DCDC1: variants seen among roughly 807,000 people sequenced by gnomAD.
The protein encoded by DCDC1 is doublecortin domain containing 1, also known as doublecortin domain-containing protein 1.
Under a neutral mutation model 178.3 loss-of-function variants are expected in DCDC1, and 200 were observed. The observed-to-expected ratio is 1.12, with a 90% CI of 1.00 to 1.26. The LOEUF (loss-of-function observed/expected upper bound fraction) is 1.26. DCDC1 is among the 50% of genes most tolerant of loss of function. The probability of loss-of-function intolerance (pLI) is 0.00; values close to 1 mark genes in which losing one functional copy is unlikely to be tolerated. For synonymous variants in DCDC1, 690 were observed against 604.8 expected, an observed-to-expected ratio of 1.14 and a Z score of -2.07; for missense variants, 1,983 against 1,749.2, an observed-to-expected ratio of 1.13 and a Z score of -2.38.
At chr11:31,001,214 CATT>C (rs1249440146) in intron 20 of DCDC1, among the ~76,000 whole-genome samples, 1 of 152,018 alleles carries the variant, frequency 6.6e-6, no homozygotes, top group East Asian at 1.9e-4. Flanking sequence ...AACTATAATT[CATT>C]ATTATCATTA....
intron 22 of DCDC1, among the ~76,000 whole-genome samples, chr11:30,928,943 T>C (rs1357045581): frequency 6.6e-6 from 1 of 151,970 alleles, no homozygotes; most frequent in African/African-American, 2.4e-5. Context: ...GACTGAAAAA[T>C]AAATAATGAT....
chr11:31,099,251 A>C (rs903498278), intron 15 of DCDC1, among the ~76,000 whole-genome samples: 4 of 152,190 alleles, frequency 2.6e-5, no homozygotes, highest in Non-Finnish European at 4.4e-5. Context: ...TGCATCAGAG[A>C]CAGGGATGAT....
At chr11:31,014,991 G>A (rs1021904127) in intron 20 of DCDC1, among the ~76,000 whole-genome samples, 21 of 146,302 alleles carry the variant, frequency 1.4e-4, no homozygotes, top group Non-Finnish European at 2.4e-4. Context: ...TCTGTCGCCC[G>A]GGCTGGATTG....
intron 27 of DCDC1, among the ~76,000 whole-genome samples, chr11:30,913,675 T>C (rs1026668863): frequency 6.6e-6 from 1 of 152,202 alleles, no homozygotes; most frequent in Non-Finnish European, 1.5e-5. Flanking sequence ...GGAAAGAAAC[T>C]GTCCTTCTCT....
chr11:31,168,365 T>C (rs1966858667), intron 9 of DCDC1, among the ~76,000 whole-genome samples: 1 of 152,196 alleles, frequency 6.6e-6, no homozygotes, highest in African/African-American at 2.4e-5. Context: ...CTGACCAATT[T>C]AGCACTCAAT....
intron 17 of DCDC1, 138 bp from the exon 18 acceptor site, chr11:31,078,063 T>C (rs1956968605): frequency 1.6e-6 from 1 of 640,656 alleles, no homozygotes; most frequent in Non-Finnish European, 2.8e-6. Flanking sequence ...CCACCATCAC[T>C]TTTATCTCAG....
At chr11:31,290,527 T>G in intron 7 of DCDC1, 120 bp downstream of exon 7, 2 of 1,112,946 alleles carry the variant, frequency 1.8e-6, no homozygotes, top group Non-Finnish European at 2.5e-6. Flanking sequence ...TAGTTCTATA[T>G]AATGTCTTGT....
At chr11:31,268,355 TA>T (rs1280140787) in intron 7 of DCDC1, among the ~76,000 whole-genome samples, 3 of 152,146 alleles carry the variant, frequency 2.0e-5, no homozygotes, top group African/African-American at 7.2e-5. Context: ...CTTTGAGTCT[TA>T]AAAAAATCAG....
At position 30,915,492 on chromosome 11, in the gene DCDC1, C is replaced by T. The variant is rs775983715; in HGVS notation, c.3653+19G>A. 28 of 1,613,420 alleles carry T rather than the reference C, an allele frequency of 1.7e-5. No individual in the cohort carries two copies. In the South Asian group the frequency reaches 3.1e-4, roughly 18 times the overall value. On this transcript the variant is annotated intron_variant, in intron 27 of 38. Coordinates refer to ENST00000684477, the MANE Select transcript of DCDC1 (RefSeq NM_001387274.1). Reference sequence around the variant, plus strand: ...CTATTCACCTTTTGATATAGTAAACCCAAATATAATGGGATTACCTGCTGT... The same window carrying T: ...CTATTCACCTTTTGATATAGTAAACTCAAATATAATGGGATTACCTGCTGT...
At chr11:31,079,979 T>G (rs1312721648) in intron 17 of DCDC1, among the ~76,000 whole-genome samples, 1 of 152,132 alleles carries the variant, frequency 6.6e-6, no homozygotes, top group Admixed American at 6.5e-5. Context: ...TAAAATATCT[T>G]TCAGGGTATA....
intron 20 of DCDC1, among the ~76,000 whole-genome samples, chr11:31,022,643 T>TGTGTGTG (rs1952952445): frequency 8.3e-6 from 1 of 120,950 alleles, no homozygotes; most frequent in East Asian, 2.3e-4. Flanking sequence ...GTCTTTTAGT[T>TGTGTGTG]TGTGTGTGTG....
intron 1 of DCDC1, among the ~76,000 whole-genome samples, chr11:31,344,717 C>T (rs945213709): frequency 3.9e-5 from 6 of 152,122 alleles, no homozygotes; most frequent in African/African-American, 1.4e-4. Context: ...CATGCAAGTG[C>T]GGATAGTTGT....
intron 11 of DCDC1, among the ~76,000 whole-genome samples, chr11:31,123,138 C>A (rs1347373394): frequency 6.6e-6 from 1 of 151,972 alleles, no homozygotes; most frequent in East Asian, 1.9e-4. Flanking sequence ...TCTAGACAAT[C>A]AATAAAACAT....
At chr11:31,146,831 C>G (rs1964506822) in intron 9 of DCDC1, among the ~76,000 whole-genome samples, 1 of 152,172 alleles carries the variant, frequency 6.6e-6, no homozygotes, top group Admixed American at 6.5e-5. Flanking sequence ...ATGCCAATAT[C>G]CTGGGACAAA....
At chr11:31,027,629 C>T (rs1351080617) in intron 20 of DCDC1, among the ~76,000 whole-genome samples, 3 of 151,570 alleles carry the variant, frequency 2.0e-5, no homozygotes, top group African/African-American at 7.3e-5. Context: ...ACATCTTAAT[C>T]GTGTGTACAA....
intron 20 of DCDC1, among the ~76,000 whole-genome samples, chr11:30,955,964 T>A (rs1286006345): frequency 6.6e-6 from 1 of 152,162 alleles, no homozygotes; most frequent in African/African-American, 2.4e-5. Context: ...CAGATCACAA[T>A]GTGGTTTGGG....
chr11:31,300,959 C>T (rs1368990296), intron 6 of DCDC1, among the ~76,000 whole-genome samples: 4 of 152,140 alleles, frequency 2.6e-5, no homozygotes, highest in South Asian at 2.1e-4. Context: ...GCCAGCCACA[C>T]GCAGGCTATA....
At chr11:31,206,316 C>T (rs575668514) in intron 9 of DCDC1, among the ~76,000 whole-genome samples, 1 of 152,286 alleles carries the variant, frequency 6.6e-6, no homozygotes, top group Non-Finnish European at 1.5e-5. Context: ...TACAAAGCAT[C>T]AGCTGGGAAT....
chr11:31,008,493 T>C (rs1369425570), intron 20 of DCDC1, among the ~76,000 whole-genome samples: 2 of 152,228 alleles, frequency 1.3e-5, no homozygotes, highest in African/African-American at 4.8e-5. Context: ...GTCGCAATGC[T>C]GAGCCCAGGT....
Sources: gnomAD v4.1 joint callset for allele counts (sites outside exome capture counted in the v4.1 genomes callset) on GRCh38, gnomAD v4.1.1 for gene constraint, MANE v1.5 for transcripts, NCBI Gene and HGNC (gene_info 2026-07-23, HGNC 2026-07-21) for gene names.